The following FAM78B variants were observed in gnomAD, a reference collection of about 807,000 sequenced individuals.
FAM78B encodes the protein protein FAM78B.
A neutral mutation model predicts 20.0 loss-of-function variants in FAM78B; 10 were observed. The observed-to-expected ratio is 0.50, with a 90% CI of 0.31 to 0.85. FAM78B has a LOEUF of 0.85. Ranked by LOEUF, FAM78B falls within the 40% of genes least tolerant of loss-of-function variation. The pLI is 0.05. For synonymous variants in FAM78B, 135 were observed against 132.8 expected, an observed-to-expected ratio of 1.02 and a Z score of -0.12; for missense variants, 283 against 345.0, an observed-to-expected ratio of 0.82 and a Z score of 1.42.
At chr1:166,144,648 C>G (rs1403925047) in intron 1 of FAM78B, among the ~76,000 whole-genome samples, 1 of 152,050 alleles carries the variant, frequency 6.6e-6, no homozygotes, top group Non-Finnish European at 1.5e-5. Flanking sequence ...TGTACTAGCT[C>G]TTGACAGACA....
At chr1:166,096,393 A>C (rs1390644563) in intron 1 of FAM78B, among the ~76,000 whole-genome samples, 1 of 152,074 alleles carries the variant, frequency 6.6e-6, no homozygotes, top group East Asian at 1.9e-4. Flanking sequence ...TCACTGGCCA[A>C]CCCAAACAGC....
At chr1:166,083,806 T>A (rs1652681589) in intron 1 of FAM78B, among the ~76,000 whole-genome samples, 1 of 149,668 alleles carries the variant, frequency 6.7e-6, no homozygotes, top group Non-Finnish European at 1.5e-5. Flanking sequence ...CAGCTTTTTT[T>A]TTTTTTTTTT....
chr1:166,164,930 C>T (rs980742067), intron 1 of FAM78B: 3 of 152,250 alleles, frequency 2.0e-5, no homozygotes, highest in African/African-American at 7.2e-5. Flanking sequence ...AGGCCCTAAA[C>T]CTTTTAGCTA....
At chr1:166,137,200 T>G (rs940973489) in intron 1 of FAM78B, among the ~76,000 whole-genome samples, 1 of 152,232 alleles carries the variant, frequency 6.6e-6, no homozygotes, top group Non-Finnish European at 1.5e-5. Context: ...TTTCCTTTTA[T>G]GTGCTAACCC....
chr1:166,059,379 G>A (rs1304492242), exon 3 of FAM78B: 1 of 152,322 alleles, frequency 6.6e-6, no homozygotes, highest in African/African-American at 2.4e-5. Context: ...GAGGGGCAAG[G>A]GAGAGGTGAT....
At chr1:166,131,560 G>A (rs1304209556) in intron 1 of FAM78B, among the ~76,000 whole-genome samples, 1 of 152,138 alleles carries the variant, frequency 6.6e-6, no homozygotes, top group Non-Finnish European at 1.5e-5. Flanking sequence ...CCTGGTACGT[G>A]TGTCTGTGAG....
At chr1:166,119,780 G>GT (rs1239546661) in intron 1 of FAM78B, among the ~76,000 whole-genome samples, 12 of 152,346 alleles carry the variant, frequency 7.9e-5, no homozygotes, top group African/African-American at 2.6e-4. Context: ...GACGCGTGTC[G>GT]TAAGTGGCCA....
chr1:166,157,038 G>GT (rs1557921354), intron 1 of FAM78B, among the ~76,000 whole-genome samples: 5 of 99,318 alleles, frequency 5.0e-5, no homozygotes, highest in East Asian at 7.9e-4. Context: ...GGCGGCGGAG[G>GT]GGGGGGGGGG....
At chr1:166,105,524 C>A (rs1303765673) in intron 1 of FAM78B, among the ~76,000 whole-genome samples, 3 of 152,174 alleles carry the variant, frequency 2.0e-5, no homozygotes, top group African/African-American at 7.2e-5. Context: ...AAGCAAACAA[C>A]CCCATCAACA....
intron 1 of FAM78B, among the ~76,000 whole-genome samples, chr1:166,077,349 T>C (rs1334228456): frequency 6.6e-6 from 1 of 152,068 alleles, no homozygotes; most frequent in Non-Finnish European, 1.5e-5. Flanking sequence ...AAATAAGGAA[T>C]AAAGATAATA....
intron 1 of FAM78B, among the ~76,000 whole-genome samples, chr1:166,080,619 T>C (rs1258203674): frequency 2.0e-5 from 3 of 152,252 alleles, no homozygotes; most frequent in Non-Finnish European, 2.9e-5. Flanking sequence ...TCTCTTCATC[T>C]TCATGGCTGG....
chr1:166,062,905 A>C (rs1651657841), intron 2 of FAM78B, among the ~76,000 whole-genome samples: 1 of 152,198 alleles, frequency 6.6e-6, no homozygotes. Context: ...GCAGATGGAG[A>C]GATAACCAGC....
At chr1:166,153,586 G>T (rs1049717575) in intron 1 of FAM78B, among the ~76,000 whole-genome samples, 8 of 152,100 alleles carry the variant, frequency 5.3e-5, no homozygotes, top group African/African-American at 1.7e-4. Context: ...ACATGAGGAT[G>T]CCTCCTCCTC....
intron 1 of FAM78B, among the ~76,000 whole-genome samples, chr1:166,085,297 A>G (rs1264054654): frequency 1.3e-5 from 2 of 152,182 alleles, no homozygotes; most frequent in African/African-American, 4.8e-5. Flanking sequence ...CACTGAGCAT[A>G]GTTGGCTGGG....
chr1:166,122,968 G>A (rs975136140), intron 1 of FAM78B, among the ~76,000 whole-genome samples: 7 of 152,094 alleles, frequency 4.6e-5, no homozygotes, highest in African/African-American at 1.4e-4. Flanking sequence ...GCTCCAGGAC[G>A]AAGGTATAAA....
intron 1 of FAM78B, among the ~76,000 whole-genome samples, chr1:166,137,341 A>C (rs1054062977): frequency 1.2e-4 from 19 of 152,238 alleles, no homozygotes; most frequent in African/African-American, 4.3e-4. Context: ...GACTGAAAGG[A>C]CTAAAGATGT....
intron 1 of FAM78B, among the ~76,000 whole-genome samples, chr1:166,105,600 A>C (rs1653740320): frequency 1.3e-5 from 2 of 152,274 alleles, no homozygotes; most frequent in Non-Finnish European, 2.9e-5. Flanking sequence ...CAGACACATG[A>C]AAAAATGCTC....
At chr1:166,082,105 G>A (rs1234626047) in intron 1 of FAM78B, among the ~76,000 whole-genome samples, 1 of 152,158 alleles carries the variant, frequency 6.6e-6, no homozygotes, top group Non-Finnish European at 1.5e-5. Context: ...TTTATAAAAT[G>A]TACATCAGGC....
intron 1 of FAM78B, among the ~76,000 whole-genome samples, chr1:166,129,360 G>T (rs577953490): frequency 6.6e-6 from 1 of 152,348 alleles, no homozygotes; most frequent in Admixed American, 6.5e-5. Context: ...CCCAGGCTGA[G>T]TTGCTTTTCT....
Sources: gnomAD v4.1 joint callset for allele counts (sites outside exome capture counted in the v4.1 genomes callset) on GRCh38, gnomAD v4.1.1 for gene constraint, MANE v1.5 for transcripts, NCBI Gene and HGNC (gene_info 2026-07-23, HGNC 2026-07-21) for gene names.